CDC42SE2: variants seen among roughly 807,000 people sequenced by gnomAD.
CDC42SE2 encodes CDC42 small effector protein 2.
In CDC42SE2, 3 loss-of-function variants were observed where a neutral mutation model predicts 11.5. That is an observed-to-expected ratio of 0.26 (90% CI 0.12 to 0.67). The LOEUF is 0.67. Among genes scored for constraint, CDC42SE2 ranks in the 30% least tolerant of loss-of-function variants. The pLI is 0.80. For missense variants in CDC42SE2, 82 were observed against 106.8 expected (o/e 0.77, Z 1.02); for synonymous variants, 33 against 34.8 (o/e 0.95, Z 0.18).
At chr5:131,354,489 G>A (rs1329622826) in intron 2 of CDC42SE2, among the ~76,000 whole-genome samples, 1 of 152,080 alleles carries the variant, frequency 6.6e-6, no homozygotes, top group African/African-American at 2.4e-5. Context: ...AAACAAAATA[G>A]TTTAAATTGT....
chr5:131,283,627 G>A (rs528585759), intron 1 of CDC42SE2, among the ~76,000 whole-genome samples: 1 of 151,904 alleles, frequency 6.6e-6, no homozygotes, highest in East Asian at 1.9e-4. Context: ...CCAAGTAACT[G>A]GGATTGCAGG....
chr5:131,214,366 C>A, the CDC42SE2 span, among the ~76,000 whole-genome samples: 1 of 151,898 alleles, frequency 6.6e-6, no homozygotes, highest in Admixed American at 6.6e-5. Context: ...CACAGTGAGA[C>A]CATATCTCCA....
chr5:131,292,606 T>C (rs1757482259), intron 1 of CDC42SE2, among the ~76,000 whole-genome samples: 1 of 138,534 alleles, frequency 7.2e-6, no homozygotes, highest in Non-Finnish European at 1.6e-5. Flanking sequence ...AATTTAAAAG[T>C]ACACAGTTAG....
At position 131,264,060 on chromosome 5, in the gene CDC42SE2, T is replaced by G. The variant is rs1386527655; in HGVS notation, c.-561T>G. ...GGGCGGGGAGGGGGAGCCAGGAAGC[T>G]GCGAGCGCGCTGGGGAGCGCAGCTG... On this transcript the variant is annotated 5_prime_UTR_variant, in exon 1 of 5. Coordinates refer to ENST00000505065, the MANE Select transcript of CDC42SE2 (RefSeq NM_001375635.1). 2.0e-5 allele frequency: 3 copies of G among 151,766 alleles called. No homozygotes were observed. The highest frequency in any genetic ancestry group is 7.3e-5 in the African/African-American group (3 of 41,308). The allele number at this position is 151,766 out of a possible 1,614,324, so 9.4% of individuals were successfully genotyped here.
chr5:131,211,641 T>C, the CDC42SE2 span, among the ~76,000 whole-genome samples: 1 of 152,208 alleles, frequency 6.6e-6, no homozygotes, highest in East Asian at 1.9e-4. Flanking sequence ...ATGCCTTTGC[T>C]AGGCACCCTG....
At chr5:131,254,270 G>T (rs1192238185) in intron 1 of CDC42SE2, among the ~76,000 whole-genome samples, 1 of 152,060 alleles carries the variant, frequency 6.6e-6, no homozygotes, top group Non-Finnish European at 1.5e-5. Flanking sequence ...GGTTGGGCAC[G>T]GTGGCTCACT....
At chr5:131,279,329 G>C (rs1334724776) in intron 1 of CDC42SE2, among the ~76,000 whole-genome samples, 2 of 152,068 alleles carry the variant, frequency 1.3e-5, no homozygotes, top group African/African-American at 2.4e-5. Context: ...AAGATCTTCA[G>C]ATCCTCTGAC....
At chr5:131,346,885 A>G (rs1758858991) in intron 2 of CDC42SE2, among the ~76,000 whole-genome samples, 1 of 147,462 alleles carries the variant, frequency 6.8e-6, no homozygotes, top group African/African-American at 2.7e-5. Flanking sequence ...AAACTGAACA[A>G]CCTGCTCCTG....
At chr5:131,338,347 G>A (rs1394173132) in intron 2 of CDC42SE2, among the ~76,000 whole-genome samples, 3 of 152,164 alleles carry the variant, frequency 2.0e-5, no homozygotes, top group Non-Finnish European at 4.4e-5. Context: ...CTACATGGCG[G>A]TCCCAACTCT....
intron 1 of CDC42SE2, among the ~76,000 whole-genome samples, chr5:131,267,999 G>C (rs755437734): frequency 3.5e-5 from 5 of 144,560 alleles, no homozygotes; most frequent in African/African-American, 7.7e-5. Flanking sequence ...GGACATTATA[G>C]TTTTCCTGTG....
intron 1 of CDC42SE2, among the ~76,000 whole-genome samples, chr5:131,312,924 G>A (rs1351220961): frequency 6.6e-6 from 1 of 152,086 alleles, no homozygotes; most frequent in African/African-American, 2.4e-5. Flanking sequence ...GCTGGGATCT[G>A]TAGACGGGAG....
the CDC42SE2 span, among the ~76,000 whole-genome samples, chr5:131,215,261 G>C: frequency 2.6e-5 from 4 of 152,140 alleles, no homozygotes; most frequent in African/African-American, 9.7e-5. Context: ...TTCTTTTCCT[G>C]TAAAATGAGA....
intron 1 of CDC42SE2, among the ~76,000 whole-genome samples, chr5:131,276,889 A>G (rs1052119041): frequency 1.4e-4 from 22 of 152,050 alleles, no homozygotes; most frequent in African/African-American, 5.3e-4. Context: ...CATCATGCCC[A>G]GCTAATTTTT....
At chr5:131,390,402 C>G (rs780357157) in intron 4 of CDC42SE2, among the ~76,000 whole-genome samples, 2 of 152,038 alleles carry the variant, frequency 1.3e-5, no homozygotes. Flanking sequence ...TGGAGTTGAT[C>G]GGCCGGGTGC....
rs1034054021 is a variant in CDC42SE2, at chr5:131,394,147, T to A, written c.*3056T>A. On this transcript the variant is annotated 3_prime_UTR_variant, in exon 5 of 5. Transcript: ENST00000505065. Reference sequence around the variant, plus strand: ...GTTCCCCATAGCAGCATATCTCATTTTTAAATTGAAGCGAATTAAATAGGA... The same window carrying A: ...GTTCCCCATAGCAGCATATCTCATTATTAAATTGAAGCGAATTAAATAGGA... 3 of 152,394 alleles carry A rather than the reference T, an allele frequency of 2.0e-5. No homozygotes were observed. The highest frequency in any genetic ancestry group is 7.2e-5 in the African/African-American group (3 of 41,468). The allele number at this position is 152,394 out of a possible 1,614,324, so 9.4% of individuals were successfully genotyped here.
At chr5:131,276,464 C>A (rs1757104647) in intron 1 of CDC42SE2, among the ~76,000 whole-genome samples, 1 of 151,020 alleles carries the variant, frequency 6.6e-6, no homozygotes, top group East Asian at 1.9e-4. Context: ...AAAAAAAAAT[C>A]TTTTAGATAA....
At chr5:131,360,995 T>C (rs1333037767) in intron 3 of CDC42SE2, among the ~76,000 whole-genome samples, 1 of 151,688 alleles carries the variant, frequency 6.6e-6, no homozygotes, top group Non-Finnish European at 1.5e-5. Flanking sequence ...ACATGTTTTC[T>C]TATTATATTT....
At chr5:131,240,978 GTTTTTGT>G (rs905322689), upstream of CDC42SE2, among the ~76,000 whole-genome samples, 1 of 151,588 alleles carries the variant, frequency 6.6e-6, no homozygotes, top group African/African-American at 2.4e-5. Context: ...TTTTGTTTTT[GTTTTTGT>G]TTTTGTTTTT....
At chr5:131,243,953 A>G (rs1345882365), upstream of CDC42SE2, among the ~76,000 whole-genome samples, 1 of 152,240 alleles carries the variant, frequency 6.6e-6, no homozygotes. Context: ...AGAATTCAGT[A>G]AACTCTCACT....
Sources: gnomAD v4.1 joint callset for allele counts (sites outside exome capture counted in the v4.1 genomes callset) on GRCh38, gnomAD v4.1.1 for gene constraint, MANE v1.5 for transcripts, NCBI Gene and HGNC (gene_info 2026-07-23, HGNC 2026-07-21) for gene names.